ITGA11: variants seen among roughly 807,000 people sequenced by gnomAD.
The protein encoded by ITGA11 is integrin alpha-11.
Under a neutral mutation model 141.9 loss-of-function variants are expected in ITGA11, and 97 were observed. The observed-to-expected ratio is 0.68, with a 90% CI of 0.58 to 0.81. ITGA11 has a LOEUF of 0.81. Ranked by LOEUF, ITGA11 falls within the 30% of genes least tolerant of loss-of-function variation. The pLI, the probability that ITGA11 is intolerant of heterozygous loss-of-function variation, is 0.00. For synonymous variants in ITGA11, 658 were observed against 624.6 expected, an observed-to-expected ratio of 1.05 and a Z score of -0.80; for missense variants, 1,387 against 1,559.2, an observed-to-expected ratio of 0.89 and a Z score of 1.86.
chr15:68,328,031 A>C lies in ITGA11; in HGVS notation c.2068+65T>G. On this transcript the variant is annotated intron_variant, in intron 16 of 29. Coordinates refer to ENST00000315757, the MANE Select transcript of ITGA11 (RefSeq NM_001004439.2). This position sits in a 1 kb window ranked among gnomAD's most constrained non-coding sequence, Gnocchi z 4.8. ...ATTTTGGGAAAAGCCCAGGCTTTGA[A>C]ATAGAGCAAGGTGCAGGGGGAGACT... 1 of 1,493,958 alleles carries C rather than the reference A, an allele frequency of 6.7e-7. No individual in the cohort carries two copies. Among genetic ancestry groups the C allele is most frequent in the Non-Finnish European group, 9.0e-7 (1 of 1,108,308 alleles). 92.5% of individuals were successfully genotyped at this position (1,493,958 alleles called of 1,614,324 possible). A position where few individuals can be genotyped will look rare whatever the true frequency, so the allele number is the denominator to read the frequency against.
chr15:68,361,092 T>C (rs1895229395), intron 5 of ITGA11, among the ~76,000 whole-genome samples: 1 of 152,316 alleles, frequency 6.6e-6, no homozygotes, highest in South Asian at 2.1e-4. Context: ...CATGAGGCTC[T>C]GGACGAGCTG....
intron 1 of ITGA11, among the ~76,000 whole-genome samples, chr15:68,423,109 A>C (rs960651036): frequency 6.6e-6 from 1 of 152,200 alleles, no homozygotes; most frequent in South Asian, 2.1e-4. Flanking sequence ...TCTTTGGTTC[A>C]TTCAACACAT....
chr15:68,339,334 G>C (rs980214379), intron 11 of ITGA11, among the ~76,000 whole-genome samples, 166 bp downstream of exon 11: 2 of 152,174 alleles, frequency 1.3e-5, no homozygotes, highest in African/African-American at 4.8e-5. Context: ...TGGATACCAG[G>C]GTGGAGAGGA....
intron 10 of ITGA11, among the ~76,000 whole-genome samples, chr15:68,346,867 C>T (rs750232445): frequency 6.6e-6 from 1 of 152,184 alleles, no homozygotes; most frequent in Non-Finnish European, 1.5e-5. Flanking sequence ...ATGTCTCCCC[C>T]TATCCCCTGC....
chr15:68,315,604 C>A (rs374557255), intron 22 of ITGA11, 47 bp downstream of exon 22: 10 of 1,506,436 alleles, frequency 6.6e-6, no homozygotes, highest in Non-Finnish European at 8.3e-6. Flanking sequence ...GAGAGCTGGG[C>A]CCCGGAATAG....
chr15:68,312,950 C>T (rs931504264), intron 23 of ITGA11, 87 bp from the exon 24 acceptor site: 13 of 939,254 alleles, frequency 1.4e-5, no homozygotes, highest in African/African-American at 8.0e-5. Flanking sequence ...GGGCATGTGC[C>T]GGCCTCCCCC....
chr15:68,399,707 T>C lies in ITGA11; in HGVS notation c.164+3211A>G, dbSNP rs1012063688. On this transcript the variant is annotated intron_variant, in intron 2 of 29. Transcript: ENST00000315757. ...CAAATTAACACAGAAACATAAAACC[T>C]AATATGGTGTGTTCTCACTATTATA... Among the ~76,000 whole-genome samples, 3 of 152,036 alleles carry C rather than the reference T, an allele frequency of 2.0e-5. No individual in the cohort carries two copies. In the South Asian group the frequency reaches 6.2e-4, roughly 32 times the overall value.
chr15:68,427,933 G>A (rs1448719230), intron 1 of ITGA11, among the ~76,000 whole-genome samples: 1 of 152,060 alleles, frequency 6.6e-6, no homozygotes, highest in African/African-American at 2.4e-5. Flanking sequence ...GCCTGGAAGG[G>A]GACTTCAGTG....
intron 3 of ITGA11, among the ~76,000 whole-genome samples, chr15:68,365,884 G>A (rs1333234765): frequency 6.6e-6 from 1 of 152,098 alleles, no homozygotes; most frequent in East Asian, 1.9e-4. Context: ...AGAATGGGTT[G>A]CATTGCACTG....
intron 1 of ITGA11, among the ~76,000 whole-genome samples, chr15:68,423,781 C>T (rs941776874): frequency 1.3e-5 from 2 of 152,108 alleles, no homozygotes; most frequent in Non-Finnish European, 2.9e-5. Context: ...CCTGCTTGTC[C>T]CACCCCGCAG....
At chr15:68,428,489 G>A (rs536538027) in intron 1 of ITGA11, among the ~76,000 whole-genome samples, 1 of 152,158 alleles carries the variant, frequency 6.6e-6, no homozygotes, top group Non-Finnish European at 1.5e-5. Context: ...TAGAGATGGG[G>A]TCATGGTGAG....
At position 68,324,081 on chromosome 15, in the gene ITGA11, C is replaced by T. The variant is rs756649177; in HGVS notation, c.2322+1050G>A. On this transcript the variant is annotated intron_variant, in intron 18 of 29. Coordinates refer to ENST00000315757, the MANE Select transcript of ITGA11 (RefSeq NM_001004439.2). The surrounding 1 kb of genome is among the most constrained non-coding windows in gnomAD (Gnocchi z 6.3). ...AGTGCGCCCAGCTTTCCCCTTCTCC[C>T]GGCTCACTAACGATGAATCCAGCTT... Among the ~76,000 whole-genome samples, 11 of 152,204 alleles carry T rather than the reference C, an allele frequency of 7.2e-5. No individual in the cohort carries two copies. In the East Asian group the frequency reaches 1.2e-3, roughly 16 times the overall value.
rs770145789 is a variant in ITGA11 at position 68,303,372 on chromosome 15, C to T, written c.3496-242G>A. On this transcript the variant is annotated intron_variant, in intron 29 of 29. Coordinates refer to ENST00000315757, the MANE Select transcript of ITGA11 (RefSeq NM_001004439.2). The surrounding 1 kb of genome is among the most constrained non-coding windows in gnomAD (Gnocchi z 5.3). Reference sequence around the variant, plus strand: ...ATCTTGCTGTGTGACCAGCCCCAGCCAACATCCCTCTCTGGGCCTCCTTCA... The same window carrying T: ...ATCTTGCTGTGTGACCAGCCCCAGCTAACATCCCTCTCTGGGCCTCCTTCA... 6.6e-6 allele frequency among the ~76,000 whole-genome samples: 1 copy of T among 152,206 alleles called. No individual in the cohort carries two copies. Among genetic ancestry groups the T allele is most frequent in the Non-Finnish European group, 1.5e-5 (1 of 68,042 alleles).
At chr15:68,403,461 C>G (rs533731442) in intron 1 of ITGA11, among the ~76,000 whole-genome samples, 4 of 152,192 alleles carry the variant, frequency 2.6e-5, no homozygotes, top group South Asian at 2.1e-4. Flanking sequence ...GGCCTCCCCC[C>G]TCTCTTTCTT....
rs749739189 is a variant in ITGA11, at chr15:68,312,873, C to G, written c.2883-10G>C. 1 of 1,601,592 alleles carries G rather than the reference C, an allele frequency of 6.2e-7. No individual in the cohort carries two copies. Among genetic ancestry groups the G allele is most frequent in the Non-Finnish European group, 8.6e-7 (1 of 1,169,218 alleles). On this transcript the variant is annotated splice_polypyrimidine_tract_variant and intron_variant, in intron 23 of 29. Coordinates refer to ENST00000315757, the MANE Select transcript of ITGA11 (RefSeq NM_001004439.2). ...GCTCAGGCTGCTGCTCCTGCGGAGACAGAGGACAGGGCTGTCGTGAGCTCA... is the reference window on the plus strand; with the variant it reads ...GCTCAGGCTGCTGCTCCTGCGGAGAGAGAGGACAGGGCTGTCGTGAGCTCA...
At chr15:68,351,156 C>T in intron 8 of ITGA11, 102 bp downstream of exon 8, 1 of 1,289,256 alleles carries the variant, frequency 7.8e-7, no homozygotes, top group South Asian at 1.4e-5. Flanking sequence ...AGGGCCTGGA[C>T]ACTTGTGATA....
intron 2 of ITGA11, among the ~76,000 whole-genome samples, chr15:68,379,759 A>T (rs1158734793): frequency 6.6e-6 from 1 of 152,206 alleles, no homozygotes; most frequent in African/African-American, 2.4e-5. Flanking sequence ...TCATGCTCAG[A>T]GGTTTTTTTC....
At chr15:68,319,203 G>A (rs149538700) in intron 20 of ITGA11, among the ~76,000 whole-genome samples, 463 of 152,342 alleles carry the variant, frequency 3.0e-3, no homozygotes, top group African/African-American at 0.011. Context: ...TCCGCTCTGC[G>A]GCTCACCAGC....
At chr15:68,419,483 CCT>C (rs1009350375) in intron 1 of ITGA11, among the ~76,000 whole-genome samples, 4 of 152,158 alleles carry the variant, frequency 2.6e-5, no homozygotes, top group Non-Finnish European at 4.4e-5. Context: ...TCAGAGAACC[CCT>C]GAGGCCCAGG....
Sources: allele counts gnomAD v4.1 joint callset (sites outside exome capture counted in the v4.1 genomes callset), GRCh38; gene constraint gnomAD v4.1.1; non-coding constraint Gnocchi (gnomAD v3.1); transcripts MANE v1.5; gene names NCBI Gene and HGNC (gene_info 2026-07-23, HGNC 2026-07-21).